The following CSTF3 variants were observed in gnomAD, a reference collection of about 807,000 sequenced individuals.
The protein encoded by CSTF3 is CF-1 77 kDa subunit.
In CSTF3, 29 loss-of-function variants were observed where a neutral mutation model predicts 105.8. The observed-to-expected ratio is 0.27, with a 90% CI of 0.20 to 0.37. The LOEUF (loss-of-function observed/expected upper bound fraction) is 0.37, where lower values mean the gene tolerates loss of function less well. Ranked by LOEUF, CSTF3 falls within the 10% of genes least tolerant of loss-of-function variation. The pLI is 1.00. For missense variants in CSTF3, 357 were observed against 879.3 expected, an observed-to-expected ratio of 0.41 and a Z score of 7.51; for synonymous variants, 252 against 281.9, an observed-to-expected ratio of 0.89 and a Z score of 1.06.
chr11:33,140,533 A>G (rs1855699565), intron 3 of CSTF3, among the ~76,000 whole-genome samples: 1 of 152,086 alleles, frequency 6.6e-6, no homozygotes, highest in Non-Finnish European at 1.5e-5. Flanking sequence ...CACAAATACA[A>G]TGAGTACACT....
chr11:33,113,799 T>C (rs1855404680), intron 3 of CSTF3, among the ~76,000 whole-genome samples: 1 of 152,066 alleles, frequency 6.6e-6, no homozygotes, highest in Admixed American at 6.6e-5. Flanking sequence ...CTCATGCCTA[T>C]AATCCCAGCA....
chr11:33,100,113 C>G (rs914975809), intron 10 of CSTF3, among the ~76,000 whole-genome samples: 7 of 151,912 alleles, frequency 4.6e-5, no homozygotes, highest in Non-Finnish European at 7.4e-5. Flanking sequence ...TCCCAGCACT[C>G]TGGGAGGCCA....
chr11:33,123,679 GTTAC>G (rs1855515407), intron 3 of CSTF3, among the ~76,000 whole-genome samples: 1 of 151,202 alleles, frequency 6.6e-6, no homozygotes, highest in Non-Finnish European at 1.5e-5. Flanking sequence ...ATTTCCAAAA[GTTAC>G]TTTCTTAATA....
At chr11:33,108,683 A>G (rs1737588233) in intron 3 of CSTF3, among the ~76,000 whole-genome samples, 1 of 152,224 alleles carries the variant, frequency 6.6e-6, no homozygotes, top group African/African-American at 2.4e-5. Flanking sequence ...AAGTCATGAG[A>G]TGAATACAGA....
chr11:33,134,099 A>C (rs1855628172), intron 3 of CSTF3, among the ~76,000 whole-genome samples: 2 of 152,224 alleles, frequency 1.3e-5, no homozygotes, highest in Non-Finnish European at 2.9e-5. Context: ...AGATTCAGTA[A>C]AGCACTTATG....
At chr11:33,105,750 A>G in intron 7 of CSTF3, 57 bp from the exon 8 acceptor site, 1 of 1,584,596 alleles carries the variant, frequency 6.3e-7, no homozygotes, top group East Asian at 2.2e-5. Context: ...CATTCAACCC[A>G]GCAATCTCAC....
chr11:33,157,510 A>G (rs568149105), intron 1 of CSTF3, among the ~76,000 whole-genome samples: 36 of 152,362 alleles, frequency 2.4e-4, no homozygotes, highest in African/African-American at 8.4e-4. Context: ...AAGGAGCTTC[A>G]GAAGAGATCC....
intron 1 of CSTF3, among the ~76,000 whole-genome samples, chr11:33,154,491 CTTTTTTT>C (rs34462847): frequency 4.9e-5 from 3 of 60,892 alleles, no homozygotes; most frequent in East Asian, 5.7e-4. Context: ...GTAAGACTTT[CTTTTTTT>C]TTTTTTTTTT....
chr11:33,108,060 T>C lies in CSTF3; in HGVS notation c.259-60A>G, dbSNP rs1050163802. ...TAAATAAATTTCACATGGACATAGA[T>C]GAAATGGAACATTAAAAACACAAAT... On this transcript the variant is annotated intron_variant, in intron 4 of 20. Coordinates refer to ENST00000323959, the MANE Select transcript of CSTF3 (RefSeq NM_001326.3). 6.5e-6 allele frequency: 7 copies of C among 1,074,942 alleles called. No individual in the cohort carries two copies. In the African/African-American group the frequency reaches 8.1e-5, roughly 12 times the overall value. 66.6% of individuals were successfully genotyped at this position (1,074,942 alleles called of 1,614,324 possible).
At chr11:33,128,574 T>C (rs1282257023) in intron 3 of CSTF3, among the ~76,000 whole-genome samples, 1 of 152,184 alleles carries the variant, frequency 6.6e-6, no homozygotes, top group African/African-American at 2.4e-5. Flanking sequence ...TTCATGCTTA[T>C]TCTCCAATTA....
At chr11:33,113,989 T>C (rs953309831) in intron 3 of CSTF3, among the ~76,000 whole-genome samples, 6 of 152,238 alleles carry the variant, frequency 3.9e-5, no homozygotes, top group African/African-American at 1.4e-4. Context: ...GAATACTTCA[T>C]ATTTCCAGGC....
intron 3 of CSTF3, among the ~76,000 whole-genome samples, chr11:33,122,967 C>CAGGTCAGT (rs1855508023): frequency 7.8e-6 from 1 of 127,788 alleles, no homozygotes; most frequent in Non-Finnish European, 1.7e-5. Context: ...GTATGTAAAA[C>CAGGTCAGT]AGGTCAGTAA....
rs180853965 is a variant in CSTF3 at position 33,155,079 on chromosome 11, G to A, written c.27+6220C>T. Among the ~76,000 whole-genome samples, 258 of 151,904 alleles carry A rather than the reference G, an allele frequency of 1.7e-3. 2 individuals are homozygous for A. The highest frequency in any genetic ancestry group is 5.9e-3 in the African/African-American group (243 of 41,426). The stretch of plus-strand genomic sequence containing the variant: ...CTTAAAAAAAAAAAGATCTTGGGCC[G>A]GGCATGGTGGCTCACACCTGTAATC... On this transcript the variant is annotated intron_variant, in intron 1 of 20. Coordinates refer to ENST00000323959, the MANE Select transcript of CSTF3 (RefSeq NM_001326.3).
intron 15 of CSTF3, among the ~76,000 whole-genome samples, chr11:33,095,964 T>G (rs201264757): frequency 6.6e-6 from 1 of 151,708 alleles, no homozygotes; most frequent in Non-Finnish European, 1.5e-5. Flanking sequence ...CTAGAGGGTT[T>G]TTTGTTTGTT....
chr11:33,100,248 T>C (rs1855267799), intron 10 of CSTF3, among the ~76,000 whole-genome samples: 1 of 150,860 alleles, frequency 6.6e-6, no homozygotes, highest in African/African-American at 2.4e-5. Context: ...CCAGCTACTC[T>C]GGAGGCTGAG....
intron 3 of CSTF3, among the ~76,000 whole-genome samples, chr11:33,129,523 G>C (rs2133791697): frequency 6.6e-6 from 1 of 151,528 alleles, no homozygotes; most frequent in East Asian, 1.9e-4. Context: ...CTGTACTATT[G>C]AAAAAAAGGT....
chr11:33,105,887 C>A lies in CSTF3; in HGVS notation c.454G>T (p.Gly152Cys). ...AAAAACTATACAAATACTTACACGCCTTTTAGGAAATTGATGTAATCCACC... is the reference window on the plus strand; with the variant it reads ...AAAAACTATACAAATACTTACACGCATTTTAGGAAATTGATGTAATCCACC... ...IWVDYINFLK[G>C]VEAVGSYAEN... is the part of the protein sequence containing the mutation. The change falls in exon 7 of 21, where the codon GGC (glycine) becomes TGC (cysteine). Residue 152 changes from glycine (G) to cysteine (C), a missense_variant. Gly to Cys is a radical substitution (Grantham distance 159, BLOSUM62 -3). Coordinates refer to ENST00000323959, the MANE Select transcript of CSTF3 (RefSeq NM_001326.3). 6.4e-7 allele frequency: 1 copy of A among 1,565,568 alleles called. No homozygotes were observed. The highest frequency in any genetic ancestry group is 8.7e-7 in the Non-Finnish European group (1 of 1,154,814).
At chr11:33,111,932 T>A (rs1383187686) in intron 3 of CSTF3, among the ~76,000 whole-genome samples, 1 of 152,158 alleles carries the variant, frequency 6.6e-6, no homozygotes, top group South Asian at 2.1e-4. Context: ...CATTATTTTT[T>A]AAAACATCAT....
intron 10 of CSTF3, among the ~76,000 whole-genome samples, chr11:33,100,146 G>A (rs1171114365): frequency 6.6e-6 from 1 of 152,116 alleles, no homozygotes; most frequent in African/African-American, 2.4e-5. Context: ...CATAAGGTCA[G>A]GAGATCGAGA....
Sources: gnomAD v4.1 joint callset for allele counts (sites outside exome capture counted in the v4.1 genomes callset) on GRCh38, gnomAD v4.1.1 for gene constraint, MANE v1.5 for transcripts, NCBI Gene and HGNC (gene_info 2026-07-23, HGNC 2026-07-21) for gene names.